Variants in GRAMD1C observed in about 807,000 individuals in gnomAD.
The protein encoded by GRAMD1C is protein Aster-C.
In GRAMD1C, 89 loss-of-function variants were observed where a neutral mutation model predicts 97.8. The observed-to-expected ratio is 0.91, with a 90% CI of 0.77 to 1.09. GRAMD1C has a LOEUF of 1.09. Among genes scored for constraint, GRAMD1C ranks in the 50% least tolerant of loss-of-function variants. The pLI is 0.00. For missense variants in GRAMD1C, 740 were observed against 766.4 expected (o/e 0.97, Z 0.41); for synonymous variants, 256 against 267.0 (o/e 0.96, Z 0.40).
intron 14 of GRAMD1C, 55 bp downstream of exon 14, chr3:113,936,497 C>T (rs1019998863): frequency 4.8e-5 from 53 of 1,094,814 alleles, no homozygotes; most frequent in Non-Finnish European, 6.8e-5. Flanking sequence ...TTATATGAAG[C>T]AGAATGTGCC....
intron 2 of GRAMD1C, among the ~76,000 whole-genome samples, chr3:113,846,857 T>C (rs952824659): frequency 6.6e-6 from 1 of 152,188 alleles, no homozygotes; most frequent in Non-Finnish European, 1.5e-5. Context: ...TATGAATTCA[T>C]ATAGAATAGA....
chr3:113,900,185 C>G (rs1936110408), intron 6 of GRAMD1C, among the ~76,000 whole-genome samples: 1 of 151,534 alleles, frequency 6.6e-6, no homozygotes, highest in African/African-American at 2.4e-5. Flanking sequence ...ATGGTGAAAC[C>G]CCATCTCTAC....
At chr3:113,905,340 T>G (rs1377244113) in intron 8 of GRAMD1C, among the ~76,000 whole-genome samples, 2 of 152,232 alleles carry the variant, frequency 1.3e-5, no homozygotes, top group Non-Finnish European at 2.9e-5. Flanking sequence ...GACCGTTTTC[T>G]TAATGAACCA....
At chr3:113,885,963 G>T in intron 6 of GRAMD1C, 2 of 1,599,264 alleles carry the variant, frequency 1.3e-6, no homozygotes, top group Non-Finnish European at 1.7e-6. Context: ...GATGCTGGAT[G>T]CCCTCAGGTT....
chr3:113,851,617 C>G (rs907066979), intron 2 of GRAMD1C, among the ~76,000 whole-genome samples: 7 of 149,862 alleles, frequency 4.7e-5, no homozygotes, highest in Non-Finnish European at 1.0e-4. Flanking sequence ...CTCCTGGGTT[C>G]AAGTGATTCT....
intron 10 of GRAMD1C, among the ~76,000 whole-genome samples, chr3:113,918,082 T>C (rs963375209): frequency 6.6e-6 from 1 of 152,116 alleles, no homozygotes; most frequent in African/African-American, 2.4e-5. Flanking sequence ...TTATTATTGA[T>C]GATAGAGTAG....
chr3:113,861,482 C>T (rs1456551191), intron 2 of GRAMD1C, among the ~76,000 whole-genome samples: 1 of 152,016 alleles, frequency 6.6e-6, no homozygotes, highest in Non-Finnish European at 1.5e-5. Context: ...AGCCACTGCC[C>T]TCCATCCTGG....
chr3:113,904,157 G>T lies in GRAMD1C; in HGVS notation c.674G>T (p.Ser225Ile). The T allele has an allele frequency of 6.2e-7, 1 of 1,609,860 alleles. No homozygotes were observed. Among genetic ancestry groups the T allele is most frequent in the Non-Finnish European group, 8.5e-7 (1 of 1,176,328 alleles). ...TCTTACAGAAGTCCAGGAAGAAGCA[G>T]CTTGGATGACTCTGGGGAGAGAGAT... ...DVQPRSPGRS[S>I]LDDSGERDEK... Residue 225 changes from serine (S) to isoleucine (I), a missense_variant, in exon 8 of 18, where the codon AGC becomes ATC. Ser to Ile is a moderately radical substitution (Grantham distance 142). Coordinates refer to ENST00000358160, the MANE Select transcript of GRAMD1C (RefSeq NM_017577.5).
intron 11 of GRAMD1C, among the ~76,000 whole-genome samples, chr3:113,931,294 G>A (rs190970640): frequency 6.6e-6 from 1 of 151,880 alleles, no homozygotes; most frequent in African/African-American, 2.4e-5. Flanking sequence ...AGGAGTTAGT[G>A]TTGCTGAAGC....
intron 9 of GRAMD1C, among the ~76,000 whole-genome samples, chr3:113,911,692 T>TCTTTCCTTCCTTCCTTCC (rs1936587881): frequency 6.5e-5 from 2 of 30,762 alleles, no homozygotes; most frequent in Non-Finnish European, 1.3e-4. Context: ...TCTCTCTCTG[T>TCTTTCCTTCCTTCCTTCC]TTCTTTCCTT....
intron 2 of GRAMD1C, among the ~76,000 whole-genome samples, chr3:113,846,738 A>G (rs1435111691): frequency 6.6e-6 from 1 of 152,170 alleles, no homozygotes; most frequent in Non-Finnish European, 1.5e-5. Flanking sequence ...TAGGTGATTT[A>G]CATTTAAATT....
At chr3:113,873,218 C>T (rs1240177479) in intron 3 of GRAMD1C, among the ~76,000 whole-genome samples, 1 of 151,944 alleles carries the variant, frequency 6.6e-6, no homozygotes, top group Non-Finnish European at 1.5e-5. Flanking sequence ...TGAGATCGCA[C>T]CATTGCACTC....
intron 17 of GRAMD1C, among the ~76,000 whole-genome samples, chr3:113,945,179 GGAA>G (rs1559831777): frequency 1.3e-5 from 2 of 152,162 alleles, no homozygotes; most frequent in African/African-American, 4.8e-5. Context: ...TGTAGCAGTA[GGAA>G]GAAGTACAAT....
intron 6 of GRAMD1C, among the ~76,000 whole-genome samples, chr3:113,887,083 T>TTG (rs1211283470): frequency 3.4e-5 from 4 of 117,344 alleles, no homozygotes; most frequent in South Asian, 2.9e-4. Context: ...CCTGGCCTTT[T>TTG]TGTTTTTTTT....
chr3:113,884,844 AG>A (rs1935391815), intron 6 of GRAMD1C, among the ~76,000 whole-genome samples: 1 of 150,352 alleles, frequency 6.7e-6, no homozygotes, highest in Non-Finnish European at 1.5e-5. Flanking sequence ...CTCAAAAAAA[AG>A]AAAAAAAAAA....
In GRAMD1C at chr3:113,850,750, C is replaced by T. The variant is rs146810450; in HGVS notation, c.174+6101C>T. Reference sequence around the variant, plus strand: ...TCAACATCTCCGCTGCTGTAGGGTCCGGGGCTGAGGCTGGAAAGGATATAC... The same window carrying T: ...TCAACATCTCCGCTGCTGTAGGGTCTGGGGCTGAGGCTGGAAAGGATATAC... On this transcript the variant is annotated intron_variant, in intron 2 of 17. Coordinates refer to ENST00000358160, the MANE Select transcript of GRAMD1C (RefSeq NM_017577.5). 6.6e-4 allele frequency: 893 copies of T among 1,352,512 alleles called. 5 individuals are homozygous for T. The African/African-American group carries it at 0.011, about 17-fold the overall frequency. The allele number at this position is 1,352,512 out of a possible 1,614,324, so 83.8% of individuals were successfully genotyped here.
At chr3:113,886,056 T>A in intron 6 of GRAMD1C, 1 of 319,660 alleles carries the variant, frequency 3.1e-6, no homozygotes, top group Non-Finnish European at 3.8e-6. Context: ...CCACTTGGGT[T>A]GGGGTGGGGG....
chr3:113,945,589 A>G lies in GRAMD1C; in HGVS notation c.*111A>G, dbSNP rs1321750310. The G allele has an allele frequency of 1.6e-6, 1 of 644,784 alleles. No individual in the cohort carries two copies. Among genetic ancestry groups the G allele is most frequent in the Non-Finnish European group, 2.8e-6 (1 of 357,972 alleles). 39.9% of individuals were successfully genotyped at this position (644,784 alleles called of 1,614,324 possible). The stretch of plus-strand genomic sequence containing the variant: ...TAGAACATTTCTATGTTTTTTCATT[A>G]TTGAGATTTCTAATATGAACATTTC... On this transcript the variant is annotated 3_prime_UTR_variant, in exon 18 of 18. Coordinates refer to ENST00000358160, the MANE Select transcript of GRAMD1C (RefSeq NM_017577.5).
At chr3:113,851,032 G>C (rs943054913) in intron 2 of GRAMD1C, among the ~76,000 whole-genome samples, 4 of 152,124 alleles carry the variant, frequency 2.6e-5, no homozygotes, top group Non-Finnish European at 4.4e-5. Context: ...TTGATCTCCT[G>C]ACCTCGTGAT....
Sources: gnomAD v4.1 joint callset for allele counts (sites outside exome capture counted in the v4.1 genomes callset) on GRCh38, gnomAD v4.1.1 for gene constraint, MANE v1.5 for transcripts, NCBI Gene and HGNC (gene_info 2026-07-23, HGNC 2026-07-21) for gene names.